The following SUSD3 variants were observed in gnomAD, a reference collection of about 807,000 sequenced individuals.
SUSD3 encodes the protein sushi domain containing 3.
SUSD3 carries 18 observed loss-of-function variants against 20.6 expected under a neutral mutation model. That is an observed-to-expected ratio of 0.87 (90% CI 0.60 to 1.30). The LOEUF is 1.30. Among genes scored for constraint, SUSD3 ranks in the 50% most tolerant of loss-of-function variants. The pLI, the probability that SUSD3 is intolerant of heterozygous loss-of-function variation, is 0.00. For missense variants in SUSD3, 306 were observed against 346.9 expected (o/e 0.88, Z 0.94); for synonymous variants, 137 against 141.5 (o/e 0.97, Z 0.23).
chr9:93,066,272 C>T (rs557495483), intron 1 of SUSD3, among the ~76,000 whole-genome samples: 11 of 152,306 alleles, frequency 7.2e-5, no homozygotes, highest in African/African-American at 2.2e-4. Context: ...CTCCCTCTGT[C>T]GCCCATGTTG....
intron 1 of SUSD3, among the ~76,000 whole-genome samples, chr9:93,061,148 T>C (rs1825490955): frequency 6.6e-6 from 1 of 152,156 alleles, no homozygotes; most frequent in South Asian, 2.1e-4. Context: ...GAAAGCAGGG[T>C]TCCAGTGGCT....
At chr9:93,084,344 G>A (rs913314221) in intron 4 of SUSD3, among the ~76,000 whole-genome samples, 193 bp from the exon 5 acceptor site, 1 of 152,088 alleles carries the variant, frequency 6.6e-6, no homozygotes, top group African/African-American at 2.4e-5. Context: ...ACAGGGCCCG[G>A]CAGGGAGATG....
intron 1 of SUSD3, among the ~76,000 whole-genome samples, chr9:93,061,772 C>T (rs1825514734): frequency 1.3e-5 from 2 of 152,212 alleles, no homozygotes; most frequent in South Asian, 4.1e-4. Context: ...AGAAATTCCT[C>T]CTGAAGGTTC....
intron 1 of SUSD3, among the ~76,000 whole-genome samples, chr9:93,064,994 TAGA>T (rs529622884): frequency 6.6e-6 from 1 of 152,284 alleles, no homozygotes; most frequent in East Asian, 1.9e-4. Context: ...ACAGTCTCAG[TAGA>T]ATAAGTCCTA....
At chr9:93,084,050 T>C (rs1163882648) in intron 4 of SUSD3, among the ~76,000 whole-genome samples, 1 of 151,122 alleles carries the variant, frequency 6.6e-6, no homozygotes, top group Admixed American at 6.6e-5. Context: ...TCTGGGGGAG[T>C]AGAGAGCCAC....
chr9:93,059,830 T>C (rs553447471), intron 1 of SUSD3, among the ~76,000 whole-genome samples: 136 of 152,224 alleles, frequency 8.9e-4, no homozygotes, highest in African/African-American at 3.2e-3. Context: ...CGAGCAGAGG[T>C]CCGCAGCTCA....
chr9:93,074,776 A>G (rs967493079), intron 1 of SUSD3, among the ~76,000 whole-genome samples: 3 of 151,716 alleles, frequency 2.0e-5, no homozygotes, highest in African/African-American at 7.3e-5. Flanking sequence ...CACCATGCCC[A>G]GCTAATTTTT....
intron 4 of SUSD3, among the ~76,000 whole-genome samples, chr9:93,081,957 C>T (rs910135276): frequency 2.0e-5 from 3 of 152,174 alleles, no homozygotes; most frequent in East Asian, 1.9e-4. Context: ...TCCTAGGAAT[C>T]GATTGTTTAG....
intron 3 of SUSD3, among the ~76,000 whole-genome samples, chr9:93,078,502 C>T (rs982916196): frequency 2.0e-5 from 3 of 152,146 alleles, no homozygotes; most frequent in Non-Finnish European, 2.9e-5. Flanking sequence ...TCTGGTGATC[C>T]GCCCAGTGAT....
In SUSD3 at chr9:93,068,864, A is replaced by ATATATAT. The variant is rs143699083; in HGVS notation, c.89-6920_89-6919insTATATAT. Among the ~76,000 whole-genome samples, 20 of 152,262 alleles carry ATATATAT rather than the reference A, an allele frequency of 1.3e-4. No homozygotes were observed. In the East Asian group the frequency reaches 1.9e-3, roughly 15 times the overall value. ...TCAGTGCATGCCTGAAACTTCAGAT[A>ATATATAT]CTATATATGTTGTTTTTTCCCTAAA... is the stretch of plus-strand genomic sequence containing the variant. On this transcript the variant is annotated intron_variant, in intron 1 of 4. Coordinates refer to ENST00000375472, the MANE Select transcript of SUSD3 (RefSeq NM_145006.4).
intron 4 of SUSD3, among the ~76,000 whole-genome samples, chr9:93,082,981 G>A (rs1587924591): frequency 6.6e-6 from 1 of 152,196 alleles, no homozygotes. Flanking sequence ...TACACTGCGG[G>A]AACTTGTGCA....
In SUSD3 at chr9:93,078,011, T is replaced by G. The variant is rs762209977; in HGVS notation, c.425+18T>G. On this transcript the variant is annotated intron_variant, in intron 3 of 4. Transcript: ENST00000375472. The stretch of plus-strand genomic sequence containing the variant: ...TCCAACAGGTACGGTGGCCTCATGA[T>G]CTCAGGGTCCTCCCGGGAGGCGCCT... The G allele has an allele frequency of 1.5e-5, 24 of 1,613,904 alleles. No individual in the cohort carries two copies. Among genetic ancestry groups the G allele is most frequent in the Non-Finnish European group, 1.9e-5 (22 of 1,180,002 alleles).
At chr9:93,061,119 G>A (rs1396964892) in intron 1 of SUSD3, among the ~76,000 whole-genome samples, 3 of 152,260 alleles carry the variant, frequency 2.0e-5, no homozygotes, top group Non-Finnish European at 2.9e-5. Context: ...AGCACTCCCT[G>A]ATCTGGGAGA....
At chr9:93,075,676 G>A in intron 1 of SUSD3, 108 bp from the exon 2 acceptor site, 1 of 776,426 alleles carries the variant, frequency 1.3e-6, no homozygotes, top group Non-Finnish European at 2.0e-6. Context: ...CCCCACCCCT[G>A]TGCTCCCCAA....
chr9:93,061,890 C>CG (rs1251679995), intron 1 of SUSD3, among the ~76,000 whole-genome samples: 2 of 152,224 alleles, frequency 1.3e-5, no homozygotes, highest in African/African-American at 4.8e-5. Flanking sequence ...CTGCCTCTGT[C>CG]ACTCTCTCCC....
At chr9:93,062,125 G>T (rs904336092) in intron 1 of SUSD3, among the ~76,000 whole-genome samples, 1 of 152,202 alleles carries the variant, frequency 6.6e-6, no homozygotes, top group African/African-American at 2.4e-5. Flanking sequence ...GGCCCCCTCC[G>T]TACATAAGGC....
At chr9:93,074,616 CTT>C (rs989411910) in intron 1 of SUSD3, among the ~76,000 whole-genome samples, 14 of 96,346 alleles carry the variant, frequency 1.5e-4, no homozygotes, top group African/African-American at 4.1e-4. Flanking sequence ...GCAGCAGATT[CTT>C]TTTTTTTTTT....
Position 93,084,596 on chromosome 9 carries a change from C to T in SUSD3, c.617C>T (p.Pro206Leu), listed in dbSNP as rs1826573290. 1.2e-6 allele frequency: 2 copies of T among 1,609,340 alleles called. No homozygotes were observed. Among genetic ancestry groups the T allele is most frequent in the Non-Finnish European group, 8.5e-7 (1 of 1,177,858 alleles). ...GTGACCCGCAGCGTGGACAAGGACC[C>T]TGGGATCCCCAGAGCTCTAAGCCTC... Reference protein sequence around the residue: ...ASVTRSVDKDPGIPRALSLSG... With the variant: ...ASVTRSVDKDLGIPRALSLSG... Residue 206 changes from proline to leucine, a missense_variant, in exon 5 of 5, where the codon CCT (proline) becomes CTT (leucine). Coordinates refer to ENST00000375472, the MANE Select transcript of SUSD3 (RefSeq NM_145006.4).
At chr9:93,079,745 A>G in intron 4 of SUSD3, 143 bp downstream of exon 4, 1 of 825,034 alleles carries the variant, frequency 1.2e-6, no homozygotes, top group Non-Finnish European at 1.8e-6. Context: ...TCCCATCTCT[A>G]AAACAAGAGG....
Sources: gnomAD v4.1 joint callset for allele counts (sites outside exome capture counted in the v4.1 genomes callset) on GRCh38, gnomAD v4.1.1 for gene constraint, MANE v1.5 for transcripts, NCBI Gene and HGNC (gene_info 2026-07-23, HGNC 2026-07-21) for gene names.